The following PODXL2 variants were observed in gnomAD, a reference collection of about 807,000 sequenced individuals.
The protein encoded by PODXL2 is podocalyxin like 2.
A neutral mutation model predicts 53.4 loss-of-function variants in PODXL2; 17 were observed. The observed-to-expected ratio is 0.32, with a 90% CI of 0.22 to 0.48. The LOEUF (loss-of-function observed/expected upper bound fraction) is 0.48. Among genes scored for constraint, PODXL2 ranks in the 20% least tolerant of loss-of-function variants. PODXL2 has a pLI of 0.99. For synonymous variants in PODXL2, 311 were observed against 306.7 expected (o/e 1.01, Z -0.15); for missense variants, 673 against 760.0 (o/e 0.89, Z 1.35).
At chr3:127,645,468 A>G (rs1576428880) in intron 2 of PODXL2, among the ~76,000 whole-genome samples, 1 of 152,304 alleles carries the variant, frequency 6.6e-6, no homozygotes, top group East Asian at 1.9e-4. Flanking sequence ...GCTCTGACCA[A>G]TGAGCAGGAC....
rs528435889 is a variant in PODXL2 at position 127,671,750 on chromosome 3, C to T, written c.1605+137C>T. On this transcript the variant is annotated intron_variant, in intron 7 of 7. Coordinates refer to ENST00000342480, the MANE Select transcript of PODXL2 (RefSeq NM_015720.4). ...TGGGTGAAGCAGCTGGTCAGCCTAG[C>T]ACTGCTGACTGCTCTGCAGGGCACC... 4 of 808,336 alleles carry T rather than the reference C, an allele frequency of 4.9e-6. No individual in the cohort carries two copies. In the East Asian group the frequency reaches 7.6e-5, roughly 15 times the overall value. The allele number at this position is 808,336 out of a possible 1,614,324, so 50.1% of individuals were successfully genotyped here.
intron 2 of PODXL2, among the ~76,000 whole-genome samples, chr3:127,658,783 A>G (rs972694618): frequency 6.6e-6 from 1 of 152,166 alleles, no homozygotes; most frequent in Non-Finnish European, 1.5e-5. Flanking sequence ...ATTCACCTTG[A>G]TGATACAAGC....
At chr3:127,655,193 G>A (rs1470220561) in intron 2 of PODXL2, among the ~76,000 whole-genome samples, 2 of 151,774 alleles carry the variant, frequency 1.3e-5, no homozygotes, top group Non-Finnish European at 2.9e-5. Context: ...TCCACCCCCC[G>A]CTTGGCCTCC....
rs116295434 is a variant in PODXL2 at position 127,660,908 on chromosome 3, G to A, written c.880G>A (p.Ala294Thr). The A allele has an allele frequency of 3.1e-5, 50 of 1,614,238 alleles. No homozygotes were observed. The East Asian group carries it at 1.0e-3, about 32-fold the overall frequency. Residue 294 changes from alanine to threonine, a missense_variant, in exon 3 of 8, where the codon GCT (alanine) becomes ACT (threonine). Ala to Thr is a moderately conservative substitution (Grantham distance 58, BLOSUM62 0). Around this residue, in one of 3 missense-constraint regions of PODXL2, gnomAD observed 588 missense variants for 668.3 expected, o/e 0.88. Transcript: ENST00000342480. ...AAGCGAGGAAGCCACTGCAGGAGCAGCTGGTTTGTCTGGCCAGCACGAGGA... is the reference window on the plus strand; with the variant it reads ...AAGCGAGGAAGCCACTGCAGGAGCAACTGGTTTGTCTGGCCAGCACGAGGA... ...EASEEATAGAAGLSGQHEEVP... is the reference protein window; with the variant it reads ...EASEEATAGATGLSGQHEEVP...
intron 4 of PODXL2, chr3:127,665,942 TG>T: frequency 2.1e-6 from 1 of 472,026 alleles, no homozygotes; most frequent in South Asian, 1.5e-5. Context: ...AACTAAGATC[TG>T]GGCCCCAGGT....
intron 2 of PODXL2, among the ~76,000 whole-genome samples, chr3:127,642,263 C>T (rs1197188654): frequency 2.7e-5 from 4 of 146,630 alleles, no homozygotes; most frequent in Non-Finnish European, 5.9e-5. Flanking sequence ...GCACTCCAGC[C>T]TGGGGGACAG....
At chr3:127,654,824 C>T (rs1020690820) in intron 2 of PODXL2, among the ~76,000 whole-genome samples, 2 of 152,160 alleles carry the variant, frequency 1.3e-5, no homozygotes, top group East Asian at 1.9e-4. Flanking sequence ...CGGTGGCTTA[C>T]GCCTATAATC....
intron 2 of PODXL2, among the ~76,000 whole-genome samples, chr3:127,656,518 T>G (rs1170055301): frequency 6.6e-6 from 1 of 152,030 alleles, no homozygotes; most frequent in African/African-American, 2.4e-5. Context: ...GGGTGGATCA[T>G]GAGGTCAGGA....
Position 127,660,427 on chromosome 3 carries a change from C to G in PODXL2, c.399C>G (p.Thr133=). The G allele has an allele frequency of 1.2e-6, 2 of 1,613,766 alleles. No homozygotes were observed. The highest frequency in any genetic ancestry group is 1.7e-5 in the Admixed American group (1 of 60,014). The change falls in exon 3 of 8, where the codon ACC becomes ACG. Residue 133 remains threonine, a synonymous_variant. Transcript: ENST00000342480. The part of the protein sequence containing the change: ...LTEKAGSIED[T]SQAQELPNLP... The stretch of plus-strand genomic sequence containing the variant: ...AGAAGGCAGGTTCCATTGAAGACAC[C>G]AGCCAGGCTCAAGAGCTGCCAAACC...
At chr3:127,642,163 G>A (rs113961918) in intron 2 of PODXL2, among the ~76,000 whole-genome samples, 2,565 of 151,862 alleles carry the variant, frequency 0.017, 78 homozygotes, top group African/African-American at 0.052. Context: ...GGTGGCGGAC[G>A]CCTGTGAACC....
At chr3:127,672,206 C>G in intron 7 of PODXL2, 62 bp from the exon 8 acceptor site, 2 of 1,417,466 alleles carry the variant, frequency 1.4e-6, no homozygotes, top group African/African-American at 1.4e-5. Context: ...CAGACGGCCG[C>G]GGGCCTGGCG....
chr3:127,666,036 C>T (rs2074793503), intron 4 of PODXL2: 1 of 417,000 alleles, frequency 2.4e-6, no homozygotes, highest in Non-Finnish European at 4.8e-6. Context: ...CTGTCTCTCT[C>T]TAGGGCATAG....
chr3:127,646,387 A>T (rs947953496), intron 2 of PODXL2, among the ~76,000 whole-genome samples: 2 of 141,802 alleles, frequency 1.4e-5, no homozygotes, highest in African/African-American at 5.2e-5. Context: ...TTTTCCATAG[A>T]TTTTTTTTTT....
intron 1 of PODXL2, among the ~76,000 whole-genome samples, chr3:127,633,991 G>A (rs537696546): frequency 6.6e-6 from 1 of 152,172 alleles, no homozygotes; most frequent in Non-Finnish European, 1.5e-5. Context: ...CAGGTAGTCA[G>A]TTTGTCTGAA....
chr3:127,662,053 G>T (rs1397830155), intron 3 of PODXL2, among the ~76,000 whole-genome samples, 184 bp from the exon 4 acceptor site: 1 of 152,176 alleles, frequency 6.6e-6, no homozygotes, highest in Admixed American at 6.5e-5. Flanking sequence ...GGTCCCCAAA[G>T]ACATTCGAGT....
Position 127,631,157 on chromosome 3 carries a change from G to T in PODXL2, c.70+1868G>T, listed in dbSNP as rs184821492. 8.5e-3 allele frequency among the ~76,000 whole-genome samples: 1,264 copies of T among 149,064 alleles called. 15 individuals carry two copies. Among genetic ancestry groups the T allele is most frequent in the Non-Finnish European group, 0.012 (829 of 67,970 alleles). ...TTTCTCAGGTGCTTACAGAGTGGAGGTAGCGTGACTGTGCTCAGCAGTTCC... is the reference window on the plus strand; with the variant it reads ...TTTCTCAGGTGCTTACAGAGTGGAGTTAGCGTGACTGTGCTCAGCAGTTCC... On this transcript the variant is annotated intron_variant, in intron 1 of 7. Transcript: ENST00000342480.
Position 127,672,500 on chromosome 3 carries a change from C to T in PODXL2, c.*20C>T, listed in dbSNP as rs1246778611. The T allele has an allele frequency of 2.1e-6, 3 of 1,431,014 alleles. No individual in the cohort carries two copies. Among genetic ancestry groups the T allele is most frequent in the Non-Finnish European group, 1.9e-6 (2 of 1,080,284 alleles). 88.6% of individuals were successfully genotyped at this position (1,431,014 alleles called of 1,614,324 possible). A position where few individuals can be genotyped will look rare whatever the true frequency, so the allele number is the denominator to read the frequency against. On this transcript the variant is annotated 3_prime_UTR_variant, in exon 8 of 8. Coordinates refer to ENST00000342480, the MANE Select transcript of PODXL2 (RefSeq NM_015720.4). ...CTGTGAGCGCAGCCGAGGCGCAGGC[C>T]GAGTGGGCCGCCAGGACCAAGCGAG...
chr3:127,671,385 A>G (rs2107547188), intron 6 of PODXL2, 49 bp from the exon 7 acceptor site: 2 of 1,544,958 alleles, frequency 1.3e-6, no homozygotes, highest in Non-Finnish European at 1.8e-6. Flanking sequence ...CAGAGGAGCC[A>G]TGGCACCCCA....
chr3:127,658,451 ATC>A (rs2074739816), intron 2 of PODXL2, among the ~76,000 whole-genome samples: 1 of 145,984 alleles, frequency 6.9e-6, no homozygotes, highest in African/African-American at 2.5e-5. Context: ...ACTTACTTAA[ATC>A]TCTTGGAATC....
Sources: gnomAD v4.1 joint callset for allele counts (sites outside exome capture counted in the v4.1 genomes callset) on GRCh38, gnomAD v4.1.1 for gene constraint, gnomAD v4.1.1 regional missense constraint, MANE v1.5 for transcripts, NCBI Gene and HGNC (gene_info 2026-07-23, HGNC 2026-07-21) for gene names.